Variants in GNAQ observed in about 807,000 individuals in gnomAD.
The protein encoded by GNAQ is G protein subunit alpha q.
Under a neutral mutation model 43.9 loss-of-function variants are expected in GNAQ, and 8 were observed. The observed-to-expected ratio is 0.18, with a 90% CI of 0.11 to 0.33. GNAQ has a LOEUF of 0.33. Ranked by LOEUF, GNAQ falls within the 10% of genes least tolerant of loss-of-function variation. The pLI is 1.00. For synonymous variants in GNAQ, 155 were observed against 170.7 expected, an observed-to-expected ratio of 0.91 and a Z score of 0.71; for missense variants, 158 against 450.8, an observed-to-expected ratio of 0.35 and a Z score of 5.88.
intron 2 of GNAQ, among the ~76,000 whole-genome samples, chr9:77,886,147 A>G (rs893113763): frequency 1.3e-5 from 2 of 152,026 alleles, no homozygotes; most frequent in African/African-American, 2.4e-5. Context: ...TTGTATTTTT[A>G]GTAGAGATGG....
chr9:78,012,032 GA>G (rs1823778029), intron 1 of GNAQ, among the ~76,000 whole-genome samples: 1 of 152,016 alleles, frequency 6.6e-6, no homozygotes, highest in Non-Finnish European at 1.5e-5. Flanking sequence ...TCATGTTATA[GA>G]AACAAATAAC....
chr9:77,754,961 C>G (rs529337974), intron 5 of GNAQ, among the ~76,000 whole-genome samples: 2 of 152,222 alleles, frequency 1.3e-5, no homozygotes, highest in Non-Finnish European at 2.9e-5. Context: ...TCACAACAGC[C>G]AAGATGTGGA....
chr9:77,732,077 C>T (rs938869139), intron 5 of GNAQ, among the ~76,000 whole-genome samples: 2 of 152,064 alleles, frequency 1.3e-5, no homozygotes, highest in Non-Finnish European at 2.9e-5. Flanking sequence ...GTGGAACGTG[C>T]AGAGTGTGAG....
chr9:77,932,750 T>C (rs533449995), intron 1 of GNAQ, among the ~76,000 whole-genome samples: 3 of 152,304 alleles, frequency 2.0e-5, no homozygotes, highest in African/African-American at 7.2e-5. Flanking sequence ...TTGGATTTTA[T>C]TCTAAGTGCA....
intron 2 of GNAQ, among the ~76,000 whole-genome samples, chr9:77,853,981 AATG>A (rs1436988685): frequency 6.6e-6 from 1 of 152,068 alleles, no homozygotes; most frequent in African/African-American, 2.4e-5. Flanking sequence ...TATAGGAAAA[AATG>A]AGTTAGGGGC....
intron 1 of GNAQ, among the ~76,000 whole-genome samples, chr9:77,948,422 A>C (rs1490376509): frequency 6.6e-6 from 1 of 152,164 alleles, no homozygotes; most frequent in Non-Finnish European, 1.5e-5. Flanking sequence ...TTTTCCAGCA[A>C]AGAAAGGGAG....
At chr9:77,970,357 T>C (rs1413199588) in intron 1 of GNAQ, among the ~76,000 whole-genome samples, 2 of 152,124 alleles carry the variant, frequency 1.3e-5, no homozygotes, top group Non-Finnish European at 2.9e-5. Context: ...CAAGTTTTCT[T>C]CCCAACTTGA....
At chr9:77,929,367 T>C (rs1465512819) in intron 1 of GNAQ, among the ~76,000 whole-genome samples, 1 of 152,238 alleles carries the variant, frequency 6.6e-6, no homozygotes, top group African/African-American at 2.4e-5. Flanking sequence ...GTCTCTTATC[T>C]GTCCAGAGCT....
intron 5 of GNAQ, among the ~76,000 whole-genome samples, chr9:77,769,184 T>G (rs1826180310): frequency 6.6e-6 from 1 of 152,116 alleles, no homozygotes; most frequent in Admixed American, 6.5e-5. Flanking sequence ...GTGGATTACT[T>G]GAGGTCAGGA....
chr9:77,853,408 CT>C (rs1827701697), intron 2 of GNAQ, among the ~76,000 whole-genome samples: 1 of 152,070 alleles, frequency 6.6e-6, no homozygotes, highest in South Asian at 2.1e-4. Context: ...GTTAATATAC[CT>C]TGTGACATAT....
chr9:78,020,994 T>C (rs1823901713), intron 1 of GNAQ, among the ~76,000 whole-genome samples: 4 of 151,902 alleles, frequency 2.6e-5, no homozygotes, highest in Admixed American at 2.6e-4. Flanking sequence ...CTGCTCTTTC[T>C]TTGGCCACAG....
chr9:77,843,567 G>A (rs1827526655), intron 2 of GNAQ, among the ~76,000 whole-genome samples: 1 of 152,184 alleles, frequency 6.6e-6, no homozygotes, highest in African/African-American at 2.4e-5. Context: ...AGAAGCATGG[G>A]TGGGATGGAT....
intron 2 of GNAQ, among the ~76,000 whole-genome samples, chr9:77,865,495 T>C (rs1827933140): frequency 1.3e-5 from 2 of 152,186 alleles, no homozygotes; most frequent in South Asian, 4.1e-4. Flanking sequence ...TTAAACATTG[T>C]AAATACCAAG....
At chr9:77,845,394 A>G (rs1230937732) in intron 2 of GNAQ, among the ~76,000 whole-genome samples, 1 of 152,214 alleles carries the variant, frequency 6.6e-6, no homozygotes, top group Non-Finnish European at 1.5e-5. Context: ...GGAATAATGC[A>G]AATTCCTTAC....
At chr9:77,895,684 C>T (rs775923001) in intron 2 of GNAQ, among the ~76,000 whole-genome samples, 2 of 152,118 alleles carry the variant, frequency 1.3e-5, no homozygotes, top group African/African-American at 4.8e-5. Flanking sequence ...CAGTTTGGCT[C>T]GGTGTCCCCA....
chr9:78,007,552 C>T (rs906404166), intron 1 of GNAQ, among the ~76,000 whole-genome samples: 1 of 152,114 alleles, frequency 6.6e-6, no homozygotes, highest in Non-Finnish European at 1.5e-5. Context: ...TAGCCATGGC[C>T]ATGCATTATT....
intron 2 of GNAQ, among the ~76,000 whole-genome samples, chr9:77,868,659 G>A (rs1003262920): frequency 6.6e-6 from 1 of 152,136 alleles, no homozygotes; most frequent in Non-Finnish European, 1.5e-5. Flanking sequence ...AGCTGGGTGT[G>A]GTGGCACGTG....
chr9:77,981,507 C>A (rs1823367824), intron 1 of GNAQ, among the ~76,000 whole-genome samples: 1 of 152,184 alleles, frequency 6.6e-6, no homozygotes, highest in Admixed American at 6.5e-5. Flanking sequence ...CAAGTCAGAG[C>A]AAGGGAGGTG....
chr9:77,928,119 G>A (rs1220349651), intron 1 of GNAQ, among the ~76,000 whole-genome samples: 2 of 152,190 alleles, frequency 1.3e-5, no homozygotes, highest in Non-Finnish European at 2.9e-5. Context: ...ATAACACTGA[G>A]TCAAAACTCA....
Sources: allele counts gnomAD v4.1 joint callset (sites outside exome capture counted in the v4.1 genomes callset), GRCh38; gene constraint gnomAD v4.1.1; transcripts MANE v1.5; gene names NCBI Gene and HGNC (gene_info 2026-07-23, HGNC 2026-07-21).